Variants in ALDH1A3 observed in about 807,000 individuals in gnomAD.
The protein encoded by ALDH1A3 is retinaldehyde dehydrogenase 3.
Under a neutral mutation model 57.5 loss-of-function variants are expected in ALDH1A3, and 28 were observed. The observed-to-expected ratio is 0.49, with a 90% CI of 0.36 to 0.67. The LOEUF is 0.67. ALDH1A3 is among the 30% of genes least tolerant of loss of function. The pLI, the probability that ALDH1A3 is intolerant of heterozygous loss-of-function variation, is 0.00. For synonymous variants in ALDH1A3, 281 were observed against 264.8 expected (o/e 1.06, Z -0.59); for missense variants, 507 against 669.4 (o/e 0.76, Z 2.68).
Position 100,893,870 on chromosome 15 carries a change from G to T in ALDH1A3, c.538-84G>T. Reference sequence around the variant, plus strand: ...CAAATCCAGACCATGAAAAGCAAGTGTCCTCCACAAAGGCATCGTTGAGCA... The same window carrying T: ...CAAATCCAGACCATGAAAAGCAAGTTTCCTCCACAAAGGCATCGTTGAGCA... On this transcript the variant is annotated intron_variant, in intron 5 of 12. Transcript: ENST00000329841. The surrounding 1 kb of genome is among the most constrained non-coding windows in gnomAD (Gnocchi z 4.8). 2.6e-6 allele frequency: 4 copies of T among 1,531,894 alleles called. No homozygotes were observed. The South Asian group carries it at 5.1e-5, about 20-fold the overall frequency. The allele number at this position is 1,531,894 out of a possible 1,614,324, so 94.9% of individuals were successfully genotyped here. A position where few individuals can be genotyped will look rare whatever the true frequency, so the allele number is the denominator to read the frequency against.
intron 7 of ALDH1A3, 57 bp downstream of exon 7, chr15:100,896,103 G>A (rs77522986): frequency 1.3e-5 from 18 of 1,335,290 alleles, no homozygotes; most frequent in African/African-American, 5.8e-5. Context: ...TTTGACACCC[G>A]TGAGCTTTTC....
chr15:100,897,998 T>C lies in ALDH1A3; in HGVS notation c.781-85T>C, dbSNP rs144398308. On this transcript the variant is annotated intron_variant, in intron 7 of 12. Coordinates refer to ENST00000329841, the MANE Select transcript of ALDH1A3 (RefSeq NM_000693.4). ...CAGGTGGTGGCACTGCCACCCGGGC[T>C]TGATCAGAATGTTCACTGATGTTTA... 623 of 1,343,494 alleles carry C rather than the reference T, an allele frequency of 4.6e-4. 3 individuals are homozygous for C. In the African/African-American group the frequency reaches 7.3e-3, roughly 16 times the overall value. The allele number at this position is 1,343,494 out of a possible 1,614,324, so 83.2% of individuals were successfully genotyped here.
chr15:100,898,054 T>G (rs751290092), intron 7 of ALDH1A3, 29 bp from the exon 8 acceptor site: 27 of 1,600,386 alleles, frequency 1.7e-5, no homozygotes, highest in Admixed American at 3.3e-5. Context: ...ACATCCAAGG[T>G]AAATTGTGAT....
intron 11 of ALDH1A3, among the ~76,000 whole-genome samples, chr15:100,907,937 C>T (rs1368149949): frequency 6.6e-6 from 1 of 150,490 alleles, no homozygotes; most frequent in Non-Finnish European, 1.5e-5. Context: ...CAACCTCCAC[C>T]TCCCAGGTTC....
chr15:100,910,199 A>G (rs2041868652), intron 12 of ALDH1A3, among the ~76,000 whole-genome samples: 1 of 152,248 alleles, frequency 6.6e-6, no homozygotes, highest in African/African-American at 2.4e-5. Flanking sequence ...TGCACTTGTG[A>G]GTGAAGCCTG....
intron 3 of ALDH1A3, among the ~76,000 whole-genome samples, chr15:100,891,470 C>T (rs2041648876): frequency 6.6e-6 from 1 of 152,242 alleles, no homozygotes; most frequent in African/African-American, 2.4e-5. Context: ...GCTGTGCTGG[C>T]CAGAAGTAGA....
At chr15:100,882,827 A>G (rs1312602346) in intron 1 of ALDH1A3, among the ~76,000 whole-genome samples, 1 of 152,248 alleles carries the variant, frequency 6.6e-6, no homozygotes, top group African/African-American at 2.4e-5. Context: ...CCATATTTAT[A>G]TACCCTTTCC....
chr15:100,909,160 A>C (rs1328295899), intron 12 of ALDH1A3, among the ~76,000 whole-genome samples: 2 of 88,250 alleles, frequency 2.3e-5, no homozygotes, highest in Admixed American at 1.1e-4. Context: ...CAAACTCCTC[A>C]GTGTGTGAAC....
chr15:100,914,414 CT>C (rs1340858442), intron 12 of ALDH1A3: 5 of 251,420 alleles, frequency 2.0e-5, no homozygotes, highest in Non-Finnish European at 3.8e-5. Context: ...CACCTCTTTA[CT>C]TTTTTTAAAA....
At chr15:100,902,622 G>C (rs562014711) in intron 9 of ALDH1A3, among the ~76,000 whole-genome samples, 2 of 152,220 alleles carry the variant, frequency 1.3e-5, no homozygotes, top group Non-Finnish European at 2.9e-5. Context: ...AGCGTCCTCC[G>C]GGCAGAGAGC....
Position 100,887,171 on chromosome 15 carries a change from A to G in ALDH1A3, c.205-401A>G, listed in dbSNP as rs977933585. On this transcript the variant is annotated intron_variant, in intron 2 of 12. Coordinates refer to ENST00000329841, the MANE Select transcript of ALDH1A3 (RefSeq NM_000693.4). This position sits in a 1 kb window ranked among gnomAD's most constrained non-coding sequence, Gnocchi z 4.6. ...ACGCTCCCAGCCATTCAAGTGATTG[A>G]AAAACATGCTGCTGCTTGCAGCCTG... Among the ~76,000 whole-genome samples the G allele has an allele frequency of 5.3e-5, 8 of 152,262 alleles. No homozygotes were observed. Among genetic ancestry groups the G allele is most frequent in the Non-Finnish European group, 8.8e-5 (6 of 68,044 alleles).
In ALDH1A3 at chr15:100,889,647, T is replaced by C. The variant is rs28610999; in HGVS notation, c.345+1935T>C. On this transcript the variant is annotated intron_variant, in intron 3 of 12. Coordinates refer to ENST00000329841, the MANE Select transcript of ALDH1A3 (RefSeq NM_000693.4). This position sits in a 1 kb window ranked among gnomAD's most constrained non-coding sequence, Gnocchi z 5.1. ...CCTGGGCACCCCCCGCCCTGAACCCTGTCCTTAAGTGTCAGTATCATCTTA... is the reference window on the plus strand; with the variant it reads ...CCTGGGCACCCCCCGCCCTGAACCCCGTCCTTAAGTGTCAGTATCATCTTA... Among the ~76,000 whole-genome samples, 1,073 of 152,320 alleles carry C rather than the reference T, an allele frequency of 7.0e-3. 16 individuals carry two copies. The highest frequency in any genetic ancestry group is 0.022 in the East Asian group (115 of 5,184).
At chr15:100,880,402 A>G (rs2041536106) in intron 1 of ALDH1A3, 1 of 369,762 alleles carries the variant, frequency 2.7e-6, no homozygotes. Flanking sequence ...GATGATTTCC[A>G]GGGTGGACGA....
At chr15:100,899,475 C>G (rs2041744478) in intron 8 of ALDH1A3, among the ~76,000 whole-genome samples, 1 of 152,190 alleles carries the variant, frequency 6.6e-6, no homozygotes, top group South Asian at 2.1e-4. Flanking sequence ...TAAAAACATG[C>G]TGTGTAGCCA....
chr15:100,899,215 G>T (rs2041742327), intron 8 of ALDH1A3, among the ~76,000 whole-genome samples: 1 of 152,240 alleles, frequency 6.6e-6, no homozygotes, highest in African/African-American at 2.4e-5. Context: ...GCCTGGGTCA[G>T]TGTTCCCTTG....
At chr15:100,885,406 C>A in intron 2 of ALDH1A3, 35 bp downstream of exon 2, 1 of 1,458,774 alleles carries the variant, frequency 6.9e-7, no homozygotes, top group South Asian at 1.1e-5. Context: ...CTAAGTAATT[C>A]AATTATGGAT....
intron 2 of ALDH1A3, 127 bp downstream of exon 2, chr15:100,885,498 T>G: frequency 1.6e-6 from 1 of 644,510 alleles, no homozygotes; most frequent in Non-Finnish European, 2.7e-6. Context: ...GCTAGCTGCG[T>G]GAATTGGCAT....
chr15:100,907,345 T>C, intron 11 of ALDH1A3, 67 bp downstream of exon 11: 1 of 1,530,122 alleles, frequency 6.5e-7, no homozygotes, highest in Non-Finnish European at 8.9e-7. Context: ...TATTCTTCTA[T>C]TAACTGAGAG....
Position 100,894,165 on chromosome 15 carries a change from C to T in ALDH1A3, c.666+83C>T. ...ACCAGGCCACCGTCACGAGATGGGACAGTGGCAGACTGCTGGCAATCGAGT... is the reference window on the plus strand; with the variant it reads ...ACCAGGCCACCGTCACGAGATGGGATAGTGGCAGACTGCTGGCAATCGAGT... On this transcript the variant is annotated intron_variant, in intron 6 of 12. Transcript: ENST00000329841. This position sits in a 1 kb window ranked among gnomAD's most constrained non-coding sequence, Gnocchi z 4.5. 4 of 1,508,316 alleles carry T rather than the reference C, an allele frequency of 2.7e-6. No homozygotes were observed. The highest frequency in any genetic ancestry group is 1.2e-5 in the South Asian group (1 of 80,024). 93.4% of individuals were successfully genotyped at this position (1,508,316 alleles called of 1,614,324 possible).
Sources: gnomAD v4.1 joint callset for allele counts (sites outside exome capture counted in the v4.1 genomes callset) on GRCh38, gnomAD v4.1.1 for gene constraint, Gnocchi (gnomAD v3.1) non-coding constraint, MANE v1.5 for transcripts, NCBI Gene and HGNC (gene_info 2026-07-23, HGNC 2026-07-21) for gene names.